Variants in ZNF724 observed in about 807,000 individuals in gnomAD.
ZNF724 encodes the protein zinc finger protein 724 pseudogene.
In ZNF724, 14 loss-of-function variants were observed where a neutral mutation model predicts 29.3. That is an observed-to-expected ratio of 0.48 (90% CI 0.32 to 0.75). The LOEUF is 0.75. ZNF724 is among the 30% of genes least tolerant of loss of function. The probability of loss-of-function intolerance (pLI) is 0.04; values close to 1 mark genes in which losing one functional copy is unlikely to be tolerated. For synonymous variants in ZNF724, 180 were observed against 193.6 expected (o/e 0.93, Z 0.58); for missense variants, 557 against 571.2 (o/e 0.98, Z 0.25).
intron 1 of ZNF724, among the ~76,000 whole-genome samples, chr19:23,239,024 C>G (rs1972069545): frequency 4.6e-5 from 7 of 152,136 alleles, no homozygotes. Flanking sequence ...AAGAAAAAAG[C>G]AGAAGAGAGA....
chr19:23,234,442 G>A (rs866060352), intron 1 of ZNF724, among the ~76,000 whole-genome samples: 5 of 152,024 alleles, frequency 3.3e-5, no homozygotes, highest in South Asian at 4.1e-4. Context: ...ATTTAGCTAA[G>A]CATTGCCTTG....
At chr19:23,235,676 T>C (rs553561842) in intron 1 of ZNF724, among the ~76,000 whole-genome samples, 2 of 152,286 alleles carry the variant, frequency 1.3e-5, no homozygotes, top group South Asian at 4.1e-4. Flanking sequence ...ATTGCTACCC[T>C]GTGAAGTTTG....
rs1259705082 is a variant in ZNF724 at position 23,222,631 on chromosome 19, T to A, written c.1614A>T (p.Glu538Asp). The change falls in exon 4 of 4, where the codon GAA becomes GAT. Residue 538 changes from glutamate to aspartate, a missense_variant. Coordinates refer to ENST00000418100, the MANE Select transcript of ZNF724 (RefSeq NM_001355404.2). Reference sequence around the variant, plus strand: ...AGTATTGGTAAAAAGCTTTGCCACATTCTTCACATTTGTAGGGTTTCTCTC... The same window carrying A: ...AGTATTGGTAAAAAGCTTTGCCACAATCTTCACATTTGTAGGGTTTCTCTC... ...HAGEKPYKCEECGKAFYQYSN... is the reference protein window; with the variant it reads ...HAGEKPYKCEDCGKAFYQYSN... The A allele has an allele frequency of 7.4e-7, 1 of 1,360,116 alleles. No individual in the cohort carries two copies. Among genetic ancestry groups the A allele is most frequent in the Non-Finnish European group, 1.1e-6 (1 of 952,260 alleles). 84.3% of individuals were successfully genotyped at this position (1,360,116 alleles called of 1,614,324 possible).
At chr19:23,243,669 TACCAGC>T (rs1490422775) in intron 1 of ZNF724, among the ~76,000 whole-genome samples, 1 of 151,392 alleles carries the variant, frequency 6.6e-6, no homozygotes. Context: ...ATTCCTGTAA[TACCAGC>T]ACTTTTGGAG....
intron 3 of ZNF724, among the ~76,000 whole-genome samples, chr19:23,225,533 G>A (rs1971810969): frequency 6.6e-6 from 1 of 152,054 alleles, no homozygotes; most frequent in Admixed American, 6.6e-5. Flanking sequence ...CTGAACCTGG[G>A]AGGCGGAGGT....
At chr19:23,248,767 G>C (rs1261475043) in intron 1 of ZNF724, among the ~76,000 whole-genome samples, 1 of 152,168 alleles carries the variant, frequency 6.6e-6, no homozygotes, top group Non-Finnish European at 1.5e-5. Context: ...GGCTGAGGCC[G>C]GTGGATCACC....
intron 1 of ZNF724, among the ~76,000 whole-genome samples, chr19:23,239,755 G>C (rs367754442): frequency 6.6e-6 from 1 of 152,106 alleles, no homozygotes; most frequent in Non-Finnish European, 1.5e-5. Context: ...AGGTTGCAGC[G>C]AGCCAAGATT....
intron 1 of ZNF724, chr19:23,242,559 CAAA>C (rs978335850): frequency 6.6e-6 from 1 of 150,392 alleles, no homozygotes. Flanking sequence ...ACTAAAAACA[CAAA>C]AATTAGCTGG....
Position 23,223,706 on chromosome 19 carries a change from C to T in ZNF724, c.539G>A (p.Cys180Tyr). The change falls in exon 4 of 4, where the codon TGT becomes TAT. Residue 180 changes from cysteine to tyrosine, a missense_variant. By Grantham distance (194) the Cys-to-Tyr change is radical. Transcript: ENST00000418100. ...ATGTTGAGTTAGGTGTGAAAGAACA[C>T]AAAATGACTTGCCACATTCTTTACA... The part of the protein sequence containing the change: ...FKCKECGKSF[C>Y]VLSHLTQHKR... 1 of 719,126 alleles carries T rather than the reference C, an allele frequency of 1.4e-6. No homozygotes were observed. The allele number at this position is 719,126 out of a possible 1,614,324, so 44.5% of individuals were successfully genotyped here.
chr19:23,222,498 T>TTACC lies in ZNF724; in HGVS notation c.1743_1746dup (p.Ile583GlyfsTer12), dbSNP rs1427880492. The TTACC allele has an allele frequency of 1.5e-6, 2 of 1,311,542 alleles. No individual in the cohort carries two copies. Among genetic ancestry groups the TTACC allele is most frequent in the African/African-American group, 2.9e-5 (2 of 69,114 alleles). 81.2% of individuals were successfully genotyped at this position (1,311,542 alleles called of 1,614,324 possible). ...TTGTAGGGTTTCTCTCCAGTATGAA[T>TTACC]TACCTTATGTTTAGTCAGAGTTGAG... On this transcript the variant is annotated frameshift_variant, in exon 4 of 4. Coordinates refer to ENST00000418100, the MANE Select transcript of ZNF724 (RefSeq NM_001355404.2). LOFTEE classifies it high-confidence loss of function.
intron 1 of ZNF724, chr19:23,236,773 T>C (rs1473745455): frequency 6.6e-6 from 1 of 152,202 alleles, no homozygotes; most frequent in Admixed American, 6.5e-5. Flanking sequence ...CTCTTTTATC[T>C]CTGTTGCTCT....
intron 1 of ZNF724, among the ~76,000 whole-genome samples, chr19:23,233,729 C>T (rs61486059): frequency 0.014 from 2,064 of 151,474 alleles, 59 homozygotes; most frequent in African/African-American, 0.047. Flanking sequence ...TCAAGGTTTG[C>T]AAGTACTAAA....
rs1971727464 is a variant in ZNF724 at position 23,222,174 on chromosome 19, C to G, written c.*211G>C. The stretch of plus-strand genomic sequence containing the variant: ...GGTTTCCTCTACTATATTTTACCTA[C>G]AATCAAGTATGACAACCATTTAAAG... On this transcript the variant is annotated 3_prime_UTR_variant, in exon 4 of 4. Transcript: ENST00000418100. 1 of 440,022 alleles carries G rather than the reference C, an allele frequency of 2.3e-6. No homozygotes were observed. The allele number at this position is 440,022 out of a possible 1,614,324, so 27.3% of individuals were successfully genotyped here.
intron 1 of ZNF724, among the ~76,000 whole-genome samples, chr19:23,239,588 T>C (rs1035097580): frequency 2.0e-5 from 3 of 152,032 alleles, no homozygotes; most frequent in Admixed American, 2.0e-4. Flanking sequence ...AAGAAGGAAA[T>C]TTATAGCACT....
chr19:23,238,139 G>C (rs1363837823), intron 1 of ZNF724, among the ~76,000 whole-genome samples: 2 of 151,792 alleles, frequency 1.3e-5, no homozygotes, highest in South Asian at 4.2e-4. Flanking sequence ...GCCGAGGTGG[G>C]CGGATCACGA....
intron 3 of ZNF724, among the ~76,000 whole-genome samples, chr19:23,224,962 AAAAC>A (rs1440024865): frequency 4.6e-5 from 7 of 150,942 alleles, no homozygotes; most frequent in Admixed American, 3.3e-4. Context: ...CTCAAACAAA[AAAAC>A]AAACAAACAA....
rs1318117415 is a variant in ZNF724 at position 23,241,284 on chromosome 19, A to T, written c.3+8956T>A. On this transcript the variant is annotated intron_variant, in intron 1 of 3. Transcript: ENST00000418100. ...ATAGGCTACCAACTAAAAAAACCCA[A>T]GACCAGAAGGTTCACAGCTGAATTC... Among the ~76,000 whole-genome samples, 9 of 152,318 alleles carry T rather than the reference A, an allele frequency of 5.9e-5. No homozygotes were observed. The East Asian group carries it at 1.5e-3, about 26-fold the overall frequency.
chr19:23,232,843 A>AT (rs1971961304), intron 1 of ZNF724, among the ~76,000 whole-genome samples: 1 of 147,836 alleles, frequency 6.8e-6, no homozygotes, highest in Non-Finnish European at 1.5e-5. Context: ...ATGGCCTATA[A>AT]GAGAGAGATG....
At chr19:23,238,765 G>A (rs757337882) in intron 1 of ZNF724, among the ~76,000 whole-genome samples, 9 of 152,064 alleles carry the variant, frequency 5.9e-5, no homozygotes, top group Admixed American at 1.3e-4. Flanking sequence ...AAAATTAGCC[G>A]GGCGTGGTGG....
Sources: allele counts gnomAD v4.1 joint callset (sites outside exome capture counted in the v4.1 genomes callset), GRCh38; gene constraint gnomAD v4.1.1; transcripts MANE v1.5; gene names NCBI Gene and HGNC (gene_info 2026-07-23, HGNC 2026-07-21).